The following TEX11 variants were observed in gnomAD, a reference collection of about 807,000 sequenced individuals.
TEX11 encodes the protein testis expressed 11.
In TEX11, 7 loss-of-function variants were observed where a neutral mutation model predicts 84.4. The ratio of observed to expected loss-of-function variants is 0.08; its 90% CI spans 0.05 to 0.16. The LOEUF (loss-of-function observed/expected upper bound fraction) is 0.16, where lower values mean the gene tolerates loss of function less well. Among genes scored for constraint, TEX11 ranks in the 10% least tolerant of loss-of-function variants. The pLI, the probability that TEX11 is intolerant of heterozygous loss-of-function variation, is 1.00. For synonymous variants in TEX11, 264 were observed against 222.8 expected, an observed-to-expected ratio of 1.18 and a Z score of -1.64; for missense variants, 551 against 660.5, an observed-to-expected ratio of 0.83 and a Z score of 1.82.
At chrX:70,864,157 A>T (rs866639673) in intron 4 of TEX11, among the ~76,000 whole-genome samples, 26 of 111,503 alleles carry the variant, frequency 2.3e-4, no homozygotes, top group African/African-American at 8.1e-4. Flanking sequence ...TGAAAAACAC[A>T]ATTCAGGATA....
At chrX:70,581,152 C>CCACT (rs2088769058) in intron 25 of TEX11, among the ~76,000 whole-genome samples, 1 of 109,419 alleles carries the variant, frequency 9.1e-6, no homozygotes, top group South Asian at 3.9e-4. Context: ...TAAGCATGTG[C>CCACT]CACTATTCCT....
At position 70,552,711 on chromosome X, in the gene TEX11, CAAAA is replaced by C. The variant is rs1008523038; in HGVS notation, c.2400-469_2400-466del. On this transcript the variant is annotated intron_variant, in intron 27 of 29. Transcript: ENST00000374333. ...TTTCCCCATGTCTGGACACAGAAAA[CAAAA>C]AAGTCTCCAATAGATAATATTTTAT... 1.1e-4 allele frequency among the ~76,000 whole-genome samples: 12 copies of C among 111,550 alleles called. No homozygotes were observed. The Admixed American group carries it at 1.1e-3, about 11-fold the overall frequency.
At chrX:70,592,404 C>T (rs1603114372) in intron 24 of TEX11, among the ~76,000 whole-genome samples, 1 of 111,220 alleles carries the variant, frequency 9.0e-6, no homozygotes, top group East Asian at 2.8e-4. Flanking sequence ...TCTGAAGGGC[C>T]AGAATGCTGG....
At chrX:70,852,937 G>A in intron 7 of TEX11, 97 bp downstream of exon 7, 1 of 834,919 alleles carries the variant, frequency 1.2e-6, no homozygotes, top group Non-Finnish European at 1.7e-6. Flanking sequence ...AAAGGCCAGT[G>A]ACATCTGACT....
chrX:70,676,117 C>A (rs765573197), intron 15 of TEX11, among the ~76,000 whole-genome samples: 4 of 111,939 alleles, frequency 3.6e-5, no homozygotes, highest in African/African-American at 9.7e-5. Flanking sequence ...TTTGAGTATA[C>A]CCCATTTTAT....
chrX:70,659,272 A>G (rs1414510034), intron 16 of TEX11, among the ~76,000 whole-genome samples: 1 of 112,166 alleles, frequency 8.9e-6, no homozygotes, highest in Non-Finnish European at 1.9e-5. Flanking sequence ...AAGACAACCC[A>G]CAGAATGGGA....
intron 28 of TEX11, among the ~76,000 whole-genome samples, chrX:70,532,721 T>A (rs2087904421): frequency 1.1e-5 from 1 of 93,917 alleles, no homozygotes; most frequent in African/African-American, 4.2e-5. Context: ...GCAACAAGAG[T>A]GAAACTCCAA....
At chrX:70,750,969 A>T (rs1239835124) in intron 9 of TEX11, among the ~76,000 whole-genome samples, 1 of 57,423 alleles carries the variant, frequency 1.7e-5, no homozygotes, top group Non-Finnish European at 4.1e-5. Flanking sequence ...TATATATAAA[A>T]GTCAGGACAC....
In TEX11 at chrX:70,554,780, A is replaced by G. The variant is rs1160423060; in HGVS notation, c.2161T>C (p.Cys721Arg). ...TCGTACAGCAGAAGCAATTTCTCAC[A>G]TGAATCATTTGAGAAGGTCCCTAAG... is the stretch of plus-strand genomic sequence containing the variant. ...KQTGTFSNDSCEKLLLLYEFE... is the reference protein window; with the variant it reads ...KQTGTFSNDSREKLLLLYEFE... The change falls in exon 26 of 30, where the codon TGT becomes CGT. Residue 721 changes from cysteine to arginine, a missense_variant. Cys to Arg is a radical substitution (Grantham distance 180). Transcript: ENST00000374333. 1 of 1,204,650 alleles carries G rather than the reference A, an allele frequency of 8.3e-7. No individual in the cohort carries two copies. The highest frequency in any genetic ancestry group is 1.8e-5 in the African/African-American group (1 of 57,061).
At chrX:70,779,766 C>T (rs1156699029) in intron 9 of TEX11, among the ~76,000 whole-genome samples, 2 of 110,772 alleles carry the variant, frequency 1.8e-5, no homozygotes, top group African/African-American at 6.6e-5. Flanking sequence ...TACAATTATA[C>T]ATCAACAAAC....
At chrX:70,575,456 T>C (rs1432743887) in intron 25 of TEX11, among the ~76,000 whole-genome samples, 2 of 111,654 alleles carry the variant, frequency 1.8e-5, no homozygotes, top group Non-Finnish European at 3.8e-5. Flanking sequence ...ATAGCCCTTA[T>C]GGCCCTTAAA....
chrX:70,636,811 A>C (rs1426134730), intron 17 of TEX11, among the ~76,000 whole-genome samples: 2 of 112,238 alleles, frequency 1.8e-5, no homozygotes, highest in South Asian at 7.5e-4. Flanking sequence ...CTGCTAATCC[A>C]GGAACAAGGC....
In TEX11 at chrX:70,814,542, G is replaced by A. The variant is rs535858521; in HGVS notation, c.607-7752C>T. 9.3e-4 allele frequency among the ~76,000 whole-genome samples: 105 copies of A among 112,620 alleles called. No individual in the cohort carries two copies. In the South Asian group the frequency reaches 0.014, roughly 15 times the overall value. ...TCATTTATGTGCCAAGAGATTCAATGTTACTACAGAGAGAAATGTACAGAA... is the reference window on the plus strand; with the variant it reads ...TCATTTATGTGCCAAGAGATTCAATATTACTACAGAGAGAAATGTACAGAA... On this transcript the variant is annotated intron_variant, in intron 8 of 29. Coordinates refer to ENST00000374333, the MANE Select transcript of TEX11 (RefSeq NM_031276.3).
At chrX:70,687,560 T>C (rs1369417707) in intron 13 of TEX11, among the ~76,000 whole-genome samples, 1 of 111,540 alleles carries the variant, frequency 9.0e-6, no homozygotes, top group African/African-American at 3.3e-5. Context: ...TTTTAAGTCA[T>C]CCCATCTGTG....
Position 70,873,287 on chromosome X carries a change from G to A in TEX11, c.180C>T (p.Asn60=), listed in dbSNP as rs2147868129. The change falls in exon 4 of 30, where the codon AAC becomes AAT. Residue 60 remains asparagine, a synonymous_variant. Coordinates refer to ENST00000374333, the MANE Select transcript of TEX11 (RefSeq NM_031276.3). The stretch of plus-strand genomic sequence containing the variant: ...CTATGGTAAGTGCCCAGTTCCATAG[G>A]TTTACTGCCATTTCTTCAATCTGGT... ...TDIQIEEMAV[N]LWNWALTIGG... is the part of the protein sequence containing the mutation. The A allele has an allele frequency of 8.3e-7, 1 of 1,197,754 alleles. No individual in the cohort carries two copies. Among genetic ancestry groups the A allele is most frequent in the East Asian group, 3.0e-5 (1 of 33,767 alleles).
chrX:70,750,859 C>CA (rs2090811921), intron 9 of TEX11, among the ~76,000 whole-genome samples: 1 of 87,250 alleles, frequency 1.1e-5, no homozygotes, highest in African/African-American at 4.2e-5. Context: ...CAGCATGGCA[C>CA]ATGTATACAT....
chrX:70,652,136 A>G (rs756158128), intron 16 of TEX11, among the ~76,000 whole-genome samples: 3 of 111,143 alleles, frequency 2.7e-5, no homozygotes, highest in Non-Finnish European at 5.7e-5. Context: ...GGTGGAGGGA[A>G]ACAATCCATG....
intron 24 of TEX11, among the ~76,000 whole-genome samples, chrX:70,594,068 C>G (rs1194081567): frequency 3.6e-5 from 4 of 110,977 alleles, no homozygotes; most frequent in East Asian, 2.8e-4. Context: ...GATATCCAAC[C>G]AAGATACATT....
At chrX:70,591,114 C>T (rs911320089) in intron 25 of TEX11, among the ~76,000 whole-genome samples, 2 of 112,109 alleles carry the variant, frequency 1.8e-5, no homozygotes, top group Non-Finnish European at 3.8e-5. Context: ...GACTAGCCTA[C>T]ATTTAGTCAA....
Sources: allele counts gnomAD v4.1 joint callset (sites outside exome capture counted in the v4.1 genomes callset), GRCh38; gene constraint gnomAD v4.1.1; transcripts MANE v1.5; gene names NCBI Gene and HGNC (gene_info 2026-07-23, HGNC 2026-07-21).